Variants in PRKCG observed in about 807,000 individuals in gnomAD.
PRKCG encodes the protein protein kinase C gamma.
PRKCG carries 28 observed loss-of-function variants against 82.0 expected under a neutral mutation model. That is an observed-to-expected ratio of 0.34 (90% CI 0.25 to 0.47). The LOEUF (loss-of-function observed/expected upper bound fraction) is 0.47. Ranked by LOEUF, PRKCG falls within the 20% of genes least tolerant of loss-of-function variation. The pLI, the probability that PRKCG is intolerant of heterozygous loss-of-function variation, is 1.00. For missense variants in PRKCG, 640 were observed against 952.7 expected, an observed-to-expected ratio of 0.67 and a Z score of 4.32; for synonymous variants, 383 against 376.6, an observed-to-expected ratio of 1.02 and a Z score of -0.20.
chr19:53,884,296 C>T lies in PRKCG; in HGVS notation c.285+53C>T. ...CCTCGGGCCGTGCCCCCGCCCTCAC[C>T]CCCTCGGCGTCCGTCCCAATTTCTC... On this transcript the variant is annotated intron_variant, in intron 3 of 17. Transcript: ENST00000263431. This position sits in a 1 kb window ranked among gnomAD's most constrained non-coding sequence, Gnocchi z 4.6. 3 of 1,528,122 alleles carry T rather than the reference C, an allele frequency of 2.0e-6. No homozygotes were observed. Among genetic ancestry groups the T allele is most frequent in the Non-Finnish European group, 2.7e-6 (3 of 1,103,442 alleles). The allele number at this position is 1,528,122 out of a possible 1,614,324, so 94.7% of individuals were successfully genotyped here.
intron 14 of PRKCG, 128 bp from the exon 15 acceptor site, chr19:53,902,945 A>T: frequency 2.8e-6 from 2 of 721,246 alleles, no homozygotes; most frequent in Admixed American, 4.3e-5. Flanking sequence ...GATGAAATAA[A>T]TATTCAGAGT....
In PRKCG at chr19:53,883,225, C is replaced by T; in HGVS notation, c.202+31C>T. 1 of 1,613,330 alleles carries T rather than the reference C, an allele frequency of 6.2e-7. No individual in the cohort carries two copies. The highest frequency in any genetic ancestry group is 8.5e-7 in the Non-Finnish European group (1 of 1,179,636). ...AGCTGGGGACCGGGGCTCCTGGGACCCTCAGGAGGGTGGAGGCTGGGGCCC... is the reference window on the plus strand; with the variant it reads ...AGCTGGGGACCGGGGCTCCTGGGACTCTCAGGAGGGTGGAGGCTGGGGCCC... On this transcript the variant is annotated intron_variant, in intron 2 of 17. Coordinates refer to ENST00000263431, the MANE Select transcript of PRKCG (RefSeq NM_002739.5). This position sits in a 1 kb window ranked among gnomAD's most constrained non-coding sequence, Gnocchi z 5.4.
intron 9 of PRKCG, among the ~76,000 whole-genome samples, chr19:53,897,516 C>T (rs932003431): frequency 6.6e-6 from 1 of 152,170 alleles, no homozygotes; most frequent in Non-Finnish European, 1.5e-5. Flanking sequence ...ACCCAGCAAT[C>T]TGTTTTACCA....
chr19:53,906,112 CT>C (rs1568764098), intron 16 of PRKCG, among the ~76,000 whole-genome samples: 9 of 89,742 alleles, frequency 1.0e-4, no homozygotes, highest in African/African-American at 9.0e-4. Flanking sequence ...TCTTCTTCTT[CT>C]TCTTCTTTTC....
In PRKCG at chr19:53,893,256, T is replaced by A; in HGVS notation, c.910-106T>A. 3 of 1,372,030 alleles carry A rather than the reference T, an allele frequency of 2.2e-6. No homozygotes were observed. In the East Asian group the frequency reaches 6.9e-5, roughly 31 times the overall value. 85.0% of individuals were successfully genotyped at this position (1,372,030 alleles called of 1,614,324 possible). On this transcript the variant is annotated intron_variant, in intron 8 of 17. Coordinates refer to ENST00000263431, the MANE Select transcript of PRKCG (RefSeq NM_002739.5). ...CCCAGGGTCTGATGGGAATTATAGT[T>A]CCTATCTATCGCCATGGCTTGAGGG...
intron 9 of PRKCG, 94 bp downstream of exon 9, chr19:53,893,485 A>C: frequency 7.6e-7 from 1 of 1,323,774 alleles, no homozygotes; most frequent in Non-Finnish European, 1.1e-6. Flanking sequence ...TTCCCCACAC[A>C]TGAGTTGAGC....
intron 16 of PRKCG, among the ~76,000 whole-genome samples, 165 bp downstream of exon 16, chr19:53,904,907 C>T (rs1277168618): frequency 6.6e-6 from 1 of 152,140 alleles, no homozygotes; most frequent in Non-Finnish European, 1.5e-5. Context: ...GATTTCCAGC[C>T]CTGTTGCCAC....
At chr19:53,899,996 A>G (rs1273458844) in intron 11 of PRKCG, among the ~76,000 whole-genome samples, 1 of 152,146 alleles carries the variant, frequency 6.6e-6, no homozygotes, top group Non-Finnish European at 1.5e-5. Context: ...TCAGTCTTCA[A>G]TTCTGAGAAG....
At chr19:53,904,898 A>T (rs534600773) in intron 16 of PRKCG, among the ~76,000 whole-genome samples, 156 bp downstream of exon 16, 7 of 152,210 alleles carry the variant, frequency 4.6e-5, no homozygotes, top group Admixed American at 2.0e-4. Context: ...TAGAACAATG[A>T]TTTCCAGCCC....
Position 53,906,856 on chromosome 19 carries a change from C to T in PRKCG, c.2055C>T (p.Ala685=). Residue 685 remains alanine (A), a synonymous_variant, in exon 18 of 18, where the codon GCC becomes GCT. Coordinates refer to ENST00000263431, the MANE Select transcript of PRKCG (RefSeq NM_002739.5). ...YVNPDFVHPD[A]RSPTSPVPVP... is the part of the protein sequence containing the mutation. The stretch of plus-strand genomic sequence containing the variant: ...ACCCCGACTTCGTGCACCCGGATGC[C>T]CGCAGCCCCACCAGCCCAGTGCCTG... 6.2e-7 allele frequency: 1 copy of T among 1,613,702 alleles called. No individual in the cohort carries two copies.
rs570280593 is a variant in PRKCG at position 53,892,090 on chromosome 19, A to G, written c.686+260A>G. 2.6e-5 allele frequency among the ~76,000 whole-genome samples: 4 copies of G among 152,234 alleles called. No individual in the cohort carries two copies. The East Asian group carries it at 5.8e-4, about 22-fold the overall frequency. ...GAGTTAGACAGAGATGAGAGAGAGA[A>G]GAGAGAGTCTCAGAAGAGGCAGAAA... is the stretch of plus-strand genomic sequence containing the variant. On this transcript the variant is annotated intron_variant, in intron 6 of 17. Transcript: ENST00000263431. This position sits in a 1 kb window ranked among gnomAD's most constrained non-coding sequence, Gnocchi z 5.9.
intron 16 of PRKCG, among the ~76,000 whole-genome samples, chr19:53,906,053 T>TCCC (rs1319551261): frequency 1.9e-5 from 1 of 53,210 alleles, no homozygotes; most frequent in African/African-American, 1.9e-4. Flanking sequence ...CTCCTCCTCC[T>TCCC]CCTCCTCCTC....
Position 53,882,544 on chromosome 19 carries a change from C to T in PRKCG, c.50C>T (p.Pro17Leu). The change falls in exon 1 of 18, where the codon CCC becomes CTC. Residue 17 changes from proline (P) to leucine (L), a missense_variant. Physicochemically the swap from Pro to Leu is moderately conservative, Grantham distance 98. Around this residue, in one of 7 missense-constraint regions of PRKCG, gnomAD observed 27 missense variants for 23.9 expected, o/e 1.13. Transcript: ENST00000263431. This position sits in a 1 kb window ranked among gnomAD's most constrained non-coding sequence, Gnocchi z 6.1. ...GGCGATTCAGAGGGGGGACCCCGGC[C>T]CCTGTTTTGCAGAAAGGGGGCCCTG... is the stretch of plus-strand genomic sequence containing the variant. Reference protein sequence around the residue: ...GVGDSEGGPRPLFCRKGALRQ... With the variant: ...GVGDSEGGPRLLFCRKGALRQ... 6.2e-7 allele frequency: 1 copy of T among 1,614,160 alleles called. No individual in the cohort carries two copies. Among genetic ancestry groups the T allele is most frequent in the Non-Finnish European group, 8.5e-7 (1 of 1,180,006 alleles).
chr19:53,890,421 T>TA (rs1792246589), intron 5 of PRKCG, among the ~76,000 whole-genome samples: 3 of 150,920 alleles, frequency 2.0e-5, no homozygotes, highest in Non-Finnish European at 4.4e-5. Context: ...CAAGCCCGGC[T>TA]AATTTTTTGT....
Position 53,900,229 on chromosome 19 carries a change from G to A in PRKCG, c.1282-4G>A, listed in dbSNP as rs994297829. The A allele has an allele frequency of 1.2e-6, 2 of 1,613,842 alleles. No homozygotes were observed. Among genetic ancestry groups the A allele is most frequent in the Admixed American group, 1.7e-5 (1 of 60,020 alleles). On this transcript the variant is annotated splice_polypyrimidine_tract_variant and splice_region_variant and intron_variant, in intron 11 of 17. Transcript: ENST00000263431. This position sits in a 1 kb window ranked among gnomAD's most constrained non-coding sequence, Gnocchi z 4.2. ...CGCCTCTAAGCCCATGCACTTCTCC[G>A]CAGGACCGCCTGTATTTCGTGATGG... is the stretch of plus-strand genomic sequence containing the variant.
At chr19:53,902,984 C>A in intron 14 of PRKCG, 89 bp from the exon 15 acceptor site, 2 of 813,366 alleles carry the variant, frequency 2.5e-6, no homozygotes, top group African/African-American at 1.7e-5. Flanking sequence ...AAGCACTTAA[C>A]GTGGGTAGCG....
rs911948396 is a variant in PRKCG at position 53,890,036 on chromosome 19, G to C, written c.529+19G>C. The C allele has an allele frequency of 6.5e-7, 1 of 1,546,702 alleles. No homozygotes were observed. The highest frequency in any genetic ancestry group is 1.2e-5 in the South Asian group (1 of 84,198). On this transcript the variant is annotated intron_variant, in intron 5 of 17. Coordinates refer to ENST00000263431, the MANE Select transcript of PRKCG (RefSeq NM_002739.5). Reference sequence around the variant, plus strand: ...GTAACTGGTGAGGCCCCGCCCCCTCGCCTGGCCCCGCCCCCTCCCCAAGTG... The same window carrying C: ...GTAACTGGTGAGGCCCCGCCCCCTCCCCTGGCCCCGCCCCCTCCCCAAGTG...
rs762736571 is a variant in PRKCG, at chr19:53,898,399, G to A, written c.1093-41G>A. The stretch of plus-strand genomic sequence containing the variant: ...GAGGGGGCAGGTCCTGTACCACTGG[G>A]TTCCCAACATGGACTGGCCCTTTTG... On this transcript the variant is annotated intron_variant, in intron 10 of 17. Transcript: ENST00000263431. 6 of 1,612,764 alleles carry A rather than the reference G, an allele frequency of 3.7e-6. No homozygotes were observed. The East Asian group carries it at 8.9e-5, about 24-fold the overall frequency.
In PRKCG at chr19:53,892,004, C is replaced by A. The variant is rs546319537; in HGVS notation, c.686+174C>A. On this transcript the variant is annotated intron_variant, in intron 6 of 17. Coordinates refer to ENST00000263431, the MANE Select transcript of PRKCG (RefSeq NM_002739.5). The surrounding 1 kb of genome is among the most constrained non-coding windows in gnomAD (Gnocchi z 5.9). Reference sequence around the variant, plus strand: ...TGATTGAGGGAGTGGGATGGAGATACAGAAACGGAGAGACAGCCAGACCAC... The same window carrying A: ...TGATTGAGGGAGTGGGATGGAGATAAAGAAACGGAGAGACAGCCAGACCAC... Among the ~76,000 whole-genome samples, 1 of 152,218 alleles carries A rather than the reference C, an allele frequency of 6.6e-6. No homozygotes were observed. The highest frequency in any genetic ancestry group is 1.5e-5 in the Non-Finnish European group (1 of 68,010).
Sources: gnomAD v4.1 joint callset for allele counts (sites outside exome capture counted in the v4.1 genomes callset) on GRCh38, gnomAD v4.1.1 for gene constraint, gnomAD v4.1.1 regional missense constraint, Gnocchi (gnomAD v3.1) non-coding constraint, MANE v1.5 for transcripts, NCBI Gene and HGNC (gene_info 2026-07-23, HGNC 2026-07-21) for gene names.